TSHZ2: variants seen among roughly 807,000 people sequenced by gnomAD.
TSHZ2 encodes the protein teashirt homolog 2.
A neutral mutation model predicts 74.4 loss-of-function variants in TSHZ2; 21 were observed. The ratio of observed to expected loss-of-function variants is 0.28; its 90% CI spans 0.20 to 0.41. TSHZ2 has a LOEUF of 0.41. Among genes scored for constraint, TSHZ2 ranks in the 10% least tolerant of loss-of-function variants. The probability of loss-of-function intolerance (pLI) is 1.00; values close to 1 mark genes in which losing one functional copy is unlikely to be tolerated. For missense variants in TSHZ2, 1,244 were observed against 1,293.5 expected (o/e 0.96, Z 0.59); for synonymous variants, 540 against 515.3 (o/e 1.05, Z -0.65).
At chr20:53,246,471 C>G (rs1029927188) in intron 1 of TSHZ2, among the ~76,000 whole-genome samples, 1 of 152,214 alleles carries the variant, frequency 6.6e-6, no homozygotes, top group Non-Finnish European at 1.5e-5. Flanking sequence ...TTTTCCTCCA[C>G]CTGGCCCGCT....
chr20:53,110,882 T>C (rs1444756048), intron 1 of TSHZ2, among the ~76,000 whole-genome samples: 1 of 150,712 alleles, frequency 6.6e-6, no homozygotes, highest in Non-Finnish European at 1.5e-5. Flanking sequence ...CTGAGTCCCA[T>C]TTTGGGCATA....
chr20:53,282,672 C>A (rs780842278), intron 2 of TSHZ2, among the ~76,000 whole-genome samples: 1 of 152,190 alleles, frequency 6.6e-6, no homozygotes, highest in Admixed American at 6.5e-5. Flanking sequence ...GATTTAAGGC[C>A]GGTTCTGACA....
intron 1 of TSHZ2, among the ~76,000 whole-genome samples, chr20:53,142,836 A>C (rs1014413238): frequency 1.3e-5 from 2 of 152,034 alleles, no homozygotes; most frequent in African/African-American, 4.8e-5. Context: ...AAAAAAAAAA[A>C]ATGCTCTGCT....
chr20:53,362,555 C>T (rs1435992199), intron 2 of TSHZ2, among the ~76,000 whole-genome samples: 3 of 152,120 alleles, frequency 2.0e-5, no homozygotes, highest in East Asian at 1.9e-4. Flanking sequence ...GACTGTACTT[C>T]GTTCTAACTG....
At chr20:53,077,229 A>C (rs1985393578) in intron 1 of TSHZ2, among the ~76,000 whole-genome samples, 1 of 148,118 alleles carries the variant, frequency 6.8e-6, no homozygotes, top group Admixed American at 6.9e-5. Context: ...CCTGGGCAAC[A>C]TGGTGAAACC....
intron 1 of TSHZ2, among the ~76,000 whole-genome samples, chr20:53,118,845 C>T (rs947066656): frequency 2.0e-5 from 3 of 152,132 alleles, no homozygotes; most frequent in Non-Finnish European, 4.4e-5. Context: ...AAGAAAAGAG[C>T]CTGTTCCACA....
At chr20:53,390,939 A>G (rs1600601542) in intron 2 of TSHZ2, among the ~76,000 whole-genome samples, 2 of 152,174 alleles carry the variant, frequency 1.3e-5, no homozygotes, top group African/African-American at 4.8e-5. Flanking sequence ...TGCTAGCCAT[A>G]CAGCTTCTTT....
intron 1 of TSHZ2, among the ~76,000 whole-genome samples, chr20:53,207,524 T>C (rs1989198337): frequency 6.6e-6 from 1 of 152,098 alleles, no homozygotes; most frequent in Non-Finnish European, 1.5e-5. Context: ...GGCTCTCACT[T>C]GTAGGGACAT....
At chr20:53,368,229 A>C (rs1169652164) in intron 2 of TSHZ2, among the ~76,000 whole-genome samples, 6 of 151,596 alleles carry the variant, frequency 4.0e-5, no homozygotes, top group Non-Finnish European at 8.8e-5. Flanking sequence ...CGAGATCTTT[A>C]CACAGAACGA....
intron 2 of TSHZ2, among the ~76,000 whole-genome samples, chr20:53,433,879 A>AT (rs953968963): frequency 6.6e-6 from 1 of 152,092 alleles, no homozygotes; most frequent in African/African-American, 2.4e-5. Context: ...TATGAAATGC[A>AT]TTTTTTTGAG....
intron 1 of TSHZ2, among the ~76,000 whole-genome samples, chr20:53,132,374 C>T (rs1055384705): frequency 1.3e-5 from 2 of 150,344 alleles, no homozygotes; most frequent in East Asian, 3.9e-4. Flanking sequence ...TGCAGTGGCA[C>T]CATCTTGGCT....
chr20:53,021,162 G>C (rs1272263897), intron 1 of TSHZ2, among the ~76,000 whole-genome samples: 2 of 152,162 alleles, frequency 1.3e-5, no homozygotes, highest in African/African-American at 4.8e-5. Flanking sequence ...TAACGCTGTG[G>C]AATAGCACTT....
chr20:53,255,094 G>A lies in TSHZ2; in HGVS notation c.1636G>A (p.Ala546Thr), dbSNP rs142479280. 35 of 1,613,988 alleles carry A rather than the reference G, an allele frequency of 2.2e-5. No homozygotes were observed. In the Admixed American group the frequency reaches 4.3e-4, roughly 20 times the overall value. Reference protein sequence around the residue: ...PSWSAYPSIHAAYQLSEGTKP... With the variant: ...PSWSAYPSIHTAYQLSEGTKP... Reference sequence around the variant, plus strand: ...CTGGAGTGCCTACCCCAGCATCCACGCAGCCTACCAGCTGTCTGAGGGCAC... The same window carrying A: ...CTGGAGTGCCTACCCCAGCATCCACACAGCCTACCAGCTGTCTGAGGGCAC... The change falls in exon 2 of 3, where the codon GCA becomes ACA. Residue 546 changes from alanine (A) to threonine (T), a missense_variant. Physicochemically the swap from Ala to Thr is moderately conservative, Grantham distance 58. Around this residue, in one of 6 missense-constraint regions of TSHZ2, gnomAD observed 562 missense variants for 544.0 expected, o/e 1.03. Coordinates refer to ENST00000371497, the MANE Select transcript of TSHZ2 (RefSeq NM_173485.6). The surrounding 1 kb of genome is among the most constrained non-coding windows in gnomAD (Gnocchi z 4.1).
In TSHZ2 at chr20:53,325,269, C is replaced by T. The variant is rs577388787; in HGVS notation, c.*8+68698C>T. Among the ~76,000 whole-genome samples the T allele has an allele frequency of 5.3e-5, 8 of 152,322 alleles. No individual in the cohort carries two copies. In the South Asian group the frequency reaches 1.5e-3, roughly 28 times the overall value. On this transcript the variant is annotated intron_variant, in intron 2 of 2. Transcript: ENST00000371497. ...TGTGCAATTTCACCTGACCTCCTTACATCTCTGAGGGGAGGGCTTGATTTA... is the reference window on the plus strand; with the variant it reads ...TGTGCAATTTCACCTGACCTCCTTATATCTCTGAGGGGAGGGCTTGATTTA...
At chr20:53,473,883 A>T (rs910464753) in intron 2 of TSHZ2, among the ~76,000 whole-genome samples, 1 of 152,232 alleles carries the variant, frequency 6.6e-6, no homozygotes, top group African/African-American at 2.4e-5. Flanking sequence ...GAAGCGATGC[A>T]ATCAACTGGA....
At chr20:53,081,785 T>C (rs1343566731) in intron 1 of TSHZ2, among the ~76,000 whole-genome samples, 1 of 152,202 alleles carries the variant, frequency 6.6e-6, no homozygotes, top group Admixed American at 6.5e-5. Context: ...ATTTTCCCCG[T>C]AAGCTCTGTG....
intron 2 of TSHZ2, among the ~76,000 whole-genome samples, chr20:53,313,307 G>C (rs1358456531): frequency 6.6e-6 from 1 of 152,174 alleles, no homozygotes; most frequent in Non-Finnish European, 1.5e-5. Flanking sequence ...CATTTTGCAT[G>C]GGAATATTTC....
chr20:53,435,877 G>C (rs932671766), intron 2 of TSHZ2, among the ~76,000 whole-genome samples: 1 of 152,174 alleles, frequency 6.6e-6, no homozygotes, highest in East Asian at 1.9e-4. Flanking sequence ...CTCTTGCTAA[G>C]TGTGTGACTT....
intron 2 of TSHZ2, among the ~76,000 whole-genome samples, chr20:53,352,210 G>A (rs1022966946): frequency 7.7e-5 from 10 of 129,362 alleles, no homozygotes; most frequent in African/African-American, 1.7e-4. Flanking sequence ...ACTGCATTCC[G>A]TTTTGGCCCC....
Sources: gnomAD v4.1 joint callset for allele counts (sites outside exome capture counted in the v4.1 genomes callset) on GRCh38, gnomAD v4.1.1 for gene constraint, gnomAD v4.1.1 regional missense constraint, Gnocchi (gnomAD v3.1) non-coding constraint, MANE v1.5 for transcripts, NCBI Gene and HGNC (gene_info 2026-07-23, HGNC 2026-07-21) for gene names.